TTN: variants seen among roughly 807,000 people sequenced by gnomAD.
TTN encodes titin.
TTN carries 1,525 observed loss-of-function variants against 3,223.0 expected under a neutral mutation model. The observed-to-expected ratio is 0.47, with a 90% CI of 0.45 to 0.49. TTN has a LOEUF of 0.49. Among genes scored for constraint, TTN ranks in the 20% least tolerant of loss-of-function variants. The pLI is 0.00. For missense variants in TTN, 40,786 were observed against 43,424.0 expected (o/e 0.94, Z 5.40); for synonymous variants, 14,094 against 15,161.0 (o/e 0.93, Z 5.17).
intron 201 of TTN, 22 bp from the exon 202 acceptor site, chr2:178,652,563 T>C: frequency 6.2e-7 from 1 of 1,612,668 alleles, no homozygotes; most frequent in South Asian, 1.1e-5. Context: ...TTAGTGAAAT[T>C]ACATTTAGAA....
intron 44 of TTN, among the ~76,000 whole-genome samples, chr2:178,758,453 C>A (rs1195517214): frequency 6.6e-6 from 1 of 152,054 alleles, no homozygotes; most frequent in East Asian, 1.9e-4. Flanking sequence ...AATTTAAGAG[C>A]CCCAACTAAC....
In TTN at chr2:178,756,769, C is replaced by T. The variant is rs2154335100; in HGVS notation, c.10707G>A (p.Gly3569=). The T allele has an allele frequency of 6.2e-7, 1 of 1,613,710 alleles. No homozygotes were observed. The highest frequency in any genetic ancestry group is 8.5e-7 in the Non-Finnish European group (1 of 1,179,756). ...KVQALDRQSS[G]KDVRESTKSQ... ...ACTTGGTGGACTCTCTTACATCTTT[C>T]CCAGAACTTTGCCTATCTAGGGCTT... The change falls in exon 46 of 363, where the codon GGG becomes GGA. Residue 3569 remains glycine (G), a synonymous_variant. Coordinates refer to ENST00000589042, the MANE Select transcript of TTN (RefSeq NM_001267550.2).
In TTN at chr2:178,572,913, G is replaced by A. The variant is rs760989943; in HGVS notation, c.73219C>T (p.Leu24407Phe). ...CCAGGAACAAGGGCAGGTTCCCCAA[G>A]TCCTTCGGAATTCATGGCATAGATG... The part of the protein sequence containing the change: ...IRIYAMNSEG[L>F]GEPALVPGTP... Residue 24407 changes from leucine to phenylalanine, a missense_variant, in exon 326 of 363, where the codon CTT (leucine) becomes TTT (phenylalanine). Leu to Phe is a conservative substitution (Grantham distance 22). Coordinates refer to ENST00000589042, the MANE Select transcript of TTN (RefSeq NM_001267550.2). The A allele has an allele frequency of 1.2e-6, 2 of 1,613,360 alleles. No individual in the cohort carries two copies. The highest frequency in any genetic ancestry group is 1.7e-4 in the Middle Eastern group (1 of 6,056).
In TTN at chr2:178,571,103, G is replaced by A. The variant is rs370712714; in HGVS notation, c.75029C>T (p.Pro25010Leu). The change falls in exon 326 of 363, where the codon CCA (proline) becomes CTA (leucine). Residue 25010 changes from proline to leucine, a missense_variant. Pro to Leu is a moderately conservative substitution (Grantham distance 98). Transcript: ENST00000589042. ...GACAATGATTGCCTCTGGCCGTCCT[G>A]GTGGATCACATGGGTCACGAGCCAC... ...CYVARDPCDPPGRPEAIIVTR... is the reference protein window; with the variant it reads ...CYVARDPCDPLGRPEAIIVTR... The A allele has an allele frequency of 1.6e-5, 26 of 1,613,364 alleles. No homozygotes were observed. The South Asian group carries it at 2.9e-4, about 18-fold the overall frequency.
Position 178,563,935 on chromosome 2 carries a change from A to C in TTN, c.82197T>G (p.Gly27399=). 1 of 1,613,682 alleles carries C rather than the reference A, an allele frequency of 6.2e-7. No homozygotes were observed. Among genetic ancestry groups the C allele is most frequent in the Non-Finnish European group, 8.5e-7 (1 of 1,179,722 alleles). Residue 27399 remains glycine, a synonymous_variant, in exon 326 of 363, where the codon GGT becomes GGG. Coordinates refer to ENST00000589042, the MANE Select transcript of TTN (RefSeq NM_001267550.2). The surrounding 1 kb of genome is among the most constrained non-coding windows in gnomAD (Gnocchi z 4.5). ...LAWNPPLQDG[G]ANISHYIIEK... is the part of the protein sequence containing the mutation. ...CAATGATGTAATGTGAAATATTAGCACCACCATCTTGCAAAGGTGGGTTCC... is the reference window on the plus strand; with the variant it reads ...CAATGATGTAATGTGAAATATTAGCCCCACCATCTTGCAAAGGTGGGTTCC...
intron 147 of TTN, 197 bp from the exon 148 acceptor site, chr2:178,676,192 G>A (rs2068048247): frequency 1.9e-6 from 1 of 525,460 alleles, no homozygotes; most frequent in Non-Finnish European, 3.4e-6. Context: ...CATTATCAGA[G>A]GACAGATGCT....
In TTN at chr2:178,536,396, C is replaced by G. The variant is rs2154137428; in HGVS notation, c.100351G>C (p.Val33451Leu). The G allele has an allele frequency of 6.2e-7, 1 of 1,613,712 alleles. No individual in the cohort carries two copies. Among genetic ancestry groups the G allele is most frequent in the Middle Eastern group, 1.7e-4 (1 of 6,054 alleles). ...SVTTEEIRET[V>L]FSVKNLIEGL... ...TCAATAAGGTTTTTCACTGAAAAGA[C>G]AGTTTCTCGAATTTCTTCTGTTGTC... Residue 33451 changes from valine (V) to leucine (L), a missense_variant, in exon 357 of 363, where the codon GTC becomes CTC. Val to Leu is a conservative substitution (Grantham distance 32). Transcript: ENST00000589042.
At chr2:178,649,532 A>G in intron 212 of TTN, 22 bp downstream of exon 212, 1 of 1,544,460 alleles carries the variant, frequency 6.5e-7, no homozygotes, top group Non-Finnish European at 8.7e-7. Flanking sequence ...CTTTTTTATG[A>G]TGCCAACGAT....
In TTN at chr2:178,633,483, GTC is replaced by G; in HGVS notation, c.42874_42875del (p.Asp14292ProfsTer2). Reference sequence around the variant, plus strand: ...ACACATATTCGCCTTTATCTTTAAGGTCCGCCTTTTTGATTTTTAAGATGCGG... The same window carrying G: ...ACACATATTCGCCTTTATCTTTAAGGCGCCTTTTTGATTTTTAAGATGCGG... ...LRRILKIKKA[D>X]LKDKGEYVCD... On this transcript the variant is annotated frameshift_variant, in exon 232 of 363. Transcript: ENST00000589042. LOFTEE classifies it high-confidence loss of function. The G allele has an allele frequency of 6.2e-7, 1 of 1,613,270 alleles. No homozygotes were observed. Among genetic ancestry groups the G allele is most frequent in the Non-Finnish European group, 8.5e-7 (1 of 1,179,608 alleles).
rs764821435 is a variant in TTN at position 178,534,618 on chromosome 2, C to T, written c.101997G>A (p.Trp33999Ter). 1 of 1,613,746 alleles carries T rather than the reference C, an allele frequency of 6.2e-7. No individual in the cohort carries two copies. The highest frequency in any genetic ancestry group is 8.5e-7 in the Non-Finnish European group (1 of 1,179,698). ...HDVVSTATDM[W>*]SLGTLVYVLL... ...GCACATATACCAGTGTTCCAAGTGACCACATGTCTGTGGCTGTGCTGACAA... is the reference window on the plus strand; with the variant it reads ...GCACATATACCAGTGTTCCAAGTGATCACATGTCTGTGGCTGTGCTGACAA... The change falls in exon 358 of 363, where the codon TGG (tryptophan) becomes TGA (stop). Residue 33999 changes from tryptophan to a stop codon, truncating the protein, a stop_gained. Coordinates refer to ENST00000589042, the MANE Select transcript of TTN (RefSeq NM_001267550.2). LOFTEE classifies it high-confidence loss of function.
Position 178,534,166 on chromosome 2 carries a change from C to T in TTN, c.102449G>A (p.Gly34150Glu), listed in dbSNP as rs768162354. The T allele has an allele frequency of 1.9e-6, 3 of 1,613,958 alleles. No homozygotes were observed. The highest frequency in any genetic ancestry group is 4.5e-5 in the East Asian group (2 of 44,880). The change falls in exon 358 of 363, where the codon GGA (glycine) becomes GAA (glutamate). Residue 34150 changes from glycine to glutamate, a missense_variant. Transcript: ENST00000589042. The part of the protein sequence containing the change: ...GQIMHAVGEE[G>E]GHVKYVCKIE... ...TTTGCATACATATTTGACATGTCCT[C>T]CTTCTTCACCAACTGCATGCATTAT...
rs1560756818 is a variant in TTN at position 178,728,257 on chromosome 2, T to C, written c.19567A>G (p.Thr6523Ala). The C allele has an allele frequency of 2.5e-6, 4 of 1,613,312 alleles. No individual in the cohort carries two copies. The South Asian group carries it at 4.4e-5, about 18-fold the overall frequency. ...CACACAAGTCTGTATTTTGCACTTGTAGATATTTCTTTTCCATCCTTAAAC... is the reference window on the plus strand; with the variant it reads ...CACACAAGTCTGTATTTTGCACTTGCAGATATTTCTTTTCCATCCTTAAAC... The part of the protein sequence containing the change: ...QWFKDGKEIS[T>A]SAKYRLVCHE... Residue 6523 changes from threonine (T) to alanine (A), a missense_variant, in exon 67 of 363, where the codon ACA (threonine) becomes GCA (alanine). Coordinates refer to ENST00000589042, the MANE Select transcript of TTN (RefSeq NM_001267550.2).
rs769246267 is a variant in TTN at position 178,733,467 on chromosome 2, C to T, written c.15826G>A (p.Asp5276Asn). 2.5e-6 allele frequency: 4 copies of T among 1,613,634 alleles called. No individual in the cohort carries two copies. The highest frequency in any genetic ancestry group is 3.4e-6 in the Non-Finnish European group (4 of 1,179,748). The change falls in exon 54 of 363, where the codon GAT (aspartate) becomes AAT (asparagine). Residue 5276 changes from aspartate (D) to asparagine (N), a missense_variant. Coordinates refer to ENST00000589042, the MANE Select transcript of TTN (RefSeq NM_001267550.2). ...ACTGTGTACTCCAGTGTGGCGGGAT[C>T]TCCTGCTGTCACCTGGATCAGTTCT... ...RAELIQVTAG[D>N]PATLEYTVAG...
At chr2:178,704,106 C>G in intron 106 of TTN, 41 bp downstream of exon 106, 1 of 1,600,190 alleles carries the variant, frequency 6.2e-7, no homozygotes, top group Non-Finnish European at 8.5e-7. Flanking sequence ...TTGCCATTGA[C>G]CTATGCTGTA....
At position 178,649,126 on chromosome 2, in the gene TTN, C is replaced by G. The variant is rs374111866; in HGVS notation, c.40057+122G>C. Reference sequence around the variant, plus strand: ...TTCATTTTTTTCCCTTCATTATTTCCCTTTTTTCTGTGCAATATGGTTTTA... The same window carrying G: ...TTCATTTTTTTCCCTTCATTATTTCGCTTTTTTCTGTGCAATATGGTTTTA... On this transcript the variant is annotated intron_variant, in intron 213 of 362. Transcript: ENST00000589042. 6 of 755,700 alleles carry G rather than the reference C, an allele frequency of 7.9e-6. No individual in the cohort carries two copies. In the South Asian group the frequency reaches 1.0e-4, roughly 13 times the overall value. 46.8% of individuals were successfully genotyped at this position (755,700 alleles called of 1,614,324 possible). A position where few individuals can be genotyped will look rare whatever the true frequency, so the allele number is the denominator to read the frequency against.
In TTN at chr2:178,564,291, A is replaced by G. The variant is rs1032656784; in HGVS notation, c.81841T>C (p.Tyr27281His). 2 of 1,613,522 alleles carry G rather than the reference A, an allele frequency of 1.2e-6. No homozygotes were observed. Among genetic ancestry groups the G allele is most frequent in the South Asian group, 1.1e-5 (1 of 91,078 alleles). Reference sequence around the variant, plus strand: ...GCATGAACAACGATGACATCTTTATATTTTGGATCCAGAGAGGCATTTGGT... The same window carrying G: ...GCATGAACAACGATGACATCTTTATGTTTTGGATCCAGAGAGGCATTTGGT... ...DAPNASLDPKYKDVIVVHAGE... is the reference protein window; with the variant it reads ...DAPNASLDPKHKDVIVVHAGE... Residue 27281 changes from tyrosine to histidine, a missense_variant, in exon 326 of 363, where the codon TAT becomes CAT. Tyr to His is a moderately conservative substitution (Grantham distance 83). Coordinates refer to ENST00000589042, the MANE Select transcript of TTN (RefSeq NM_001267550.2).
chr2:178,573,561 T>A lies in TTN; in HGVS notation c.72571A>T (p.Asn24191Tyr). The A allele has an allele frequency of 6.7e-7, 1 of 1,498,524 alleles. No individual in the cohort carries two copies. The highest frequency in any genetic ancestry group is 2.3e-5 in the East Asian group (1 of 43,290). 92.8% of individuals were successfully genotyped at this position (1,498,524 alleles called of 1,614,324 possible). The part of the protein sequence containing the change: ...KLKVTKLLKG[N>Y]EYIFRVMAVN... ...GCCATGACACGGAATATGTATTCAT[T>A]GCCTTTCAAGAGTTTAGTGACCTTT... The change falls in exon 326 of 363, where the codon AAT becomes TAT. Residue 24191 changes from asparagine (N) to tyrosine (Y), a missense_variant. Transcript: ENST00000589042.
At position 178,731,072 on chromosome 2, in the gene TTN, G is replaced by A. The variant is rs1255975692; in HGVS notation, c.17593C>T (p.Leu5865=). ...KWFKDGQELT[L]GSKYKISVTD... is the part of the protein sequence containing the mutation. ...ACACTGATTTTATATTTTGAGCCCA[G>A]GGTCAGTTCTTGGCCATCTTTAAAC... Residue 5865 remains leucine, a synonymous_variant, in exon 60 of 363, where the codon CTG becomes TTG. Transcript: ENST00000589042. 1.2e-6 allele frequency: 2 copies of A among 1,613,644 alleles called. No homozygotes were observed. The highest frequency in any genetic ancestry group is 2.2e-5 in the South Asian group (2 of 91,070).
chr2:178,732,478 G>A lies in TTN; in HGVS notation c.16583C>T (p.Ala5528Val). Residue 5528 changes from alanine to valine, a missense_variant, in exon 56 of 363, where the codon GCT becomes GTT. Transcript: ENST00000589042. The part of the protein sequence containing the change: ...GTYTCKVSNV[A>V]GGVECSANLF... ...GTTTGCACTGCATTCCACCCCTCCA[G>A]CGACATTGCTGACTTTACATGTGTA... The A allele has an allele frequency of 6.2e-7, 1 of 1,612,752 alleles. No homozygotes were observed. Among genetic ancestry groups the A allele is most frequent in the Non-Finnish European group, 8.5e-7 (1 of 1,179,132 alleles).
Sources: allele counts gnomAD v4.1 joint callset (sites outside exome capture counted in the v4.1 genomes callset), GRCh38; gene constraint gnomAD v4.1.1; non-coding constraint Gnocchi (gnomAD v3.1); transcripts MANE v1.5; gene names NCBI Gene and HGNC (gene_info 2026-07-23, HGNC 2026-07-21).